Variants in TXNRD2 observed in about 807,000 individuals in gnomAD.
TXNRD2 encodes thioredoxin reductase 2, mitochondrial.
TXNRD2 carries 67 observed loss-of-function variants against 70.8 expected under a neutral mutation model. The ratio of observed to expected loss-of-function variants is 0.95; its 90% CI spans 0.78 to 1.16. The LOEUF is 1.16. TXNRD2 is among the 50% of genes most tolerant of loss of function. The pLI is 0.00. For synonymous variants in TXNRD2, 301 were observed against 295.8 expected (o/e 1.02, Z -0.18); for missense variants, 644 against 719.9 (o/e 0.89, Z 1.21).
chr22:19,898,260 A>G, intron 9 of TXNRD2, 130 bp from the exon 10 acceptor site: 1 of 827,842 alleles, frequency 1.2e-6, no homozygotes, highest in Admixed American at 2.0e-5. Context: ...TCCCAACTCA[A>G]GACCCCCACC....
intron 1 of TXNRD2, chr22:19,938,188 C>G (rs1470960936): frequency 1.3e-5 from 2 of 152,166 alleles, no homozygotes; most frequent in Non-Finnish European, 2.9e-5. Context: ...GCATCCACCT[C>G]ATGATACTAA....
At chr22:19,930,565 G>C (rs1941318411) in intron 2 of TXNRD2, among the ~76,000 whole-genome samples, 1 of 152,128 alleles carries the variant, frequency 6.6e-6, no homozygotes, top group South Asian at 2.1e-4. Flanking sequence ...TGGACCCTGG[G>C]GGAAGGCACC....
intron 7 of TXNRD2, 26 bp from the exon 8 acceptor site, chr22:19,911,473 G>A: frequency 6.3e-7 from 1 of 1,593,654 alleles, no homozygotes. Flanking sequence ...TGACCCCTTG[G>A]ACAAGAGCTC....
chr22:19,882,163 C>G (rs1347331645), intron 12 of TXNRD2, among the ~76,000 whole-genome samples: 1 of 152,092 alleles, frequency 6.6e-6, no homozygotes, highest in Non-Finnish European at 1.5e-5. Flanking sequence ...CCTGGGGCAT[C>G]CTACCCCAGA....
rs374202570 is a variant in TXNRD2, at chr22:19,878,452, C to T, written c.1276-15G>A. The T allele has an allele frequency of 1.9e-4, 311 of 1,612,436 alleles. No homozygotes were observed. The highest frequency in any genetic ancestry group is 2.5e-4 in the Non-Finnish European group (298 of 1,179,222). On this transcript the variant is annotated splice_polypyrimidine_tract_variant and intron_variant, in intron 14 of 17. Coordinates refer to ENST00000400521, the MANE Select transcript of TXNRD2 (RefSeq NM_006440.5). Reference sequence around the variant, plus strand: ...GCGTGATAGACCTGAGGACAGGATACCAACCCTGGATCAGTGCTGCGACAA... The same window carrying T: ...GCGTGATAGACCTGAGGACAGGATATCAACCCTGGATCAGTGCTGCGACAA...
At chr22:19,927,951 A>C (rs1408641083) in intron 2 of TXNRD2, among the ~76,000 whole-genome samples, 2 of 152,108 alleles carry the variant, frequency 1.3e-5, no homozygotes, top group Non-Finnish European at 2.9e-5. Flanking sequence ...GTATCTGATA[A>C]AATATGTGAA....
Position 19,883,451 on chromosome 22 carries a change from TG to T in TXNRD2, c.959del (p.Pro320GlnfsTer6). On this transcript the variant is annotated frameshift_variant, in exon 12 of 18. Coordinates refer to ENST00000400521, the MANE Select transcript of TXNRD2 (RefSeq NM_006440.5). LOFTEE classifies it high-confidence loss of function. ...TCTCCAAATTCAGACTTCTGGTGTC[TG>T]GGACTCGACCTGAAGGAAACAGAGA... ...DTVLWAIGRV[P>X]DTRSLNLEKA... is the part of the protein sequence containing the mutation. 1 of 1,614,054 alleles carries T rather than the reference TG, an allele frequency of 6.2e-7. No homozygotes were observed. Among genetic ancestry groups the T allele is most frequent in the Non-Finnish European group, 8.5e-7 (1 of 1,180,034 alleles).
chr22:19,896,794 G>T (rs1251745070), intron 10 of TXNRD2, among the ~76,000 whole-genome samples: 1 of 152,174 alleles, frequency 6.6e-6, no homozygotes, highest in African/African-American at 2.4e-5. Context: ...GCTCTAGATG[G>T]CGTGTGTGGG....
intron 10 of TXNRD2, 55 bp from the exon 11 acceptor site, chr22:19,895,636 T>C: frequency 6.3e-7 from 1 of 1,594,596 alleles, no homozygotes; most frequent in Non-Finnish European, 8.5e-7. Context: ...GGAGAGAGGC[T>C]CTGGCCCTGC....
At chr22:19,884,968 T>G (rs1938957855) in intron 11 of TXNRD2, among the ~76,000 whole-genome samples, 1 of 152,152 alleles carries the variant, frequency 6.6e-6, no homozygotes, top group Non-Finnish European at 1.5e-5. Context: ...GTGCCCATTC[T>G]AGGGGGCAGC....
In TXNRD2 at chr22:19,924,648, G is replaced by A. The variant is rs115585120; in HGVS notation, c.173-5049C>T. On this transcript the variant is annotated intron_variant, in intron 2 of 17. Transcript: ENST00000400521. ...ACAGGAGATGAAAAATACACTGGAC[G>A]GGATTAATGGCAGGTCAGATGTTGC... Among the ~76,000 whole-genome samples, 1,257 of 152,258 alleles carry A rather than the reference G, an allele frequency of 8.3e-3. 18 individuals are homozygous for A. Among genetic ancestry groups the A allele is most frequent in the African/African-American group, 0.029 (1,187 of 41,542 alleles).
Position 19,917,602 on chromosome 22 carries a change from CAGG to C in TXNRD2, c.449+538_449+540del, listed in dbSNP as rs376470280. 4.8e-3 allele frequency among the ~76,000 whole-genome samples: 737 copies of C among 152,290 alleles called. 6 individuals carry two copies. Among genetic ancestry groups the C allele is most frequent in the African/African-American group, 0.017 (710 of 41,550 alleles). Reference sequence around the variant, plus strand: ...ATCTGCTGTGCTGGCAGCTGAGCCCCAGGAGAAGGTTGTAGGCCAGGGGAGCAT... The same window carrying C: ...ATCTGCTGTGCTGGCAGCTGAGCCCCAGAAGGTTGTAGGCCAGGGGAGCAT... On this transcript the variant is annotated intron_variant, in intron 5 of 17. Transcript: ENST00000400521.
intron 5 of TXNRD2, among the ~76,000 whole-genome samples, chr22:19,917,686 C>T (rs950787686): frequency 4.6e-5 from 7 of 152,182 alleles, no homozygotes; most frequent in African/African-American, 1.7e-4. Flanking sequence ...CAAGTAGGGA[C>T]ATTTGCTCCA....
chr22:19,930,656 C>T (rs1346959985), intron 2 of TXNRD2, among the ~76,000 whole-genome samples: 1 of 152,146 alleles, frequency 6.6e-6, no homozygotes, highest in Non-Finnish European at 1.5e-5. Context: ...AGAGAGCAGG[C>T]AGGCAGGGTG....
chr22:19,890,068 G>A (rs984640802), intron 11 of TXNRD2, among the ~76,000 whole-genome samples: 2 of 152,194 alleles, frequency 1.3e-5, no homozygotes, highest in South Asian at 2.1e-4. Context: ...CAAGCCAAGC[G>A]TGGGGCACCA....
At position 19,897,231 on chromosome 22, in the gene TXNRD2, T is replaced by G. The variant is rs192935804; in HGVS notation, c.774+808A>C. ...GTCAGCCTGGGGGTGGCACTGGGAG[T>G]CTGGAGATGACAGGCCTGGCTCCTC... On this transcript the variant is annotated intron_variant, in intron 10 of 17. Coordinates refer to ENST00000400521, the MANE Select transcript of TXNRD2 (RefSeq NM_006440.5). Among the ~76,000 whole-genome samples, 709 of 151,552 alleles carry G rather than the reference T, an allele frequency of 4.7e-3. 9 individuals are homozygous for G. The highest frequency in any genetic ancestry group is 0.035 in the South Asian group (166 of 4,782).
At chr22:19,907,177 C>T (rs1940074307) in intron 8 of TXNRD2, among the ~76,000 whole-genome samples, 1 of 93,030 alleles carries the variant, frequency 1.1e-5, no homozygotes, top group African/African-American at 4.3e-5. Context: ...AGTGTGGGCG[C>T]ACCATGAGTA....
At chr22:19,914,410 A>C (rs1940542954) in intron 7 of TXNRD2, among the ~76,000 whole-genome samples, 1 of 152,272 alleles carries the variant, frequency 6.6e-6, no homozygotes, top group Non-Finnish European at 1.5e-5. Flanking sequence ...AATAGTATCT[A>C]GCCATAAAAA....
chr22:19,890,136 G>A (rs1939202466), intron 11 of TXNRD2, among the ~76,000 whole-genome samples: 1 of 152,200 alleles, frequency 6.6e-6, no homozygotes. Flanking sequence ...CCTCTGTGAG[G>A]TGTTAGCACC....
Sources: allele counts gnomAD v4.1 joint callset (sites outside exome capture counted in the v4.1 genomes callset), GRCh38; gene constraint gnomAD v4.1.1; transcripts MANE v1.5; gene names NCBI Gene and HGNC (gene_info 2026-07-23, HGNC 2026-07-21).